Variants in ELMO1 observed in about 807,000 individuals in gnomAD.
The protein encoded by ELMO1 is engulfment and cell motility protein 1.
In ELMO1, 26 loss-of-function variants were observed where a neutral mutation model predicts 98.9. That is an observed-to-expected ratio of 0.26 (90% confidence interval 0.19 to 0.36). The LOEUF (loss-of-function observed/expected upper bound fraction) is 0.36. Among genes scored for constraint, ELMO1 ranks in the 10% least tolerant of loss-of-function variants. The pLI, the probability that ELMO1 is intolerant of heterozygous loss-of-function variation, is 1.00. For missense variants in ELMO1, 627 were observed against 935.2 expected, an observed-to-expected ratio of 0.67 and a Z score of 4.30; for synonymous variants, 346 against 346.0, an observed-to-expected ratio of 1.00 and a Z score of 0.00.
intron 1 of ELMO1, among the ~76,000 whole-genome samples, chr7:37,378,424 T>C (rs1163061624): frequency 6.6e-6 from 1 of 152,210 alleles, no homozygotes; most frequent in East Asian, 1.9e-4. Flanking sequence ...ATTAACTCAC[T>C]GTCCACCTAA....
chr7:37,075,582 C>A (rs577130817), intron 15 of ELMO1, among the ~76,000 whole-genome samples: 2 of 152,218 alleles, frequency 1.3e-5, no homozygotes, highest in African/African-American at 4.8e-5. Context: ...AGGTTCTATT[C>A]GGCAGCTAAA....
intron 16 of ELMO1, among the ~76,000 whole-genome samples, chr7:36,990,064 G>A (rs1011299121): frequency 3.9e-5 from 6 of 152,054 alleles, no homozygotes; most frequent in African/African-American, 1.2e-4. Context: ...TGACTTGATC[G>A]ATATTTTCAG....
At chr7:37,049,039 G>A (rs746350902) in intron 15 of ELMO1, among the ~76,000 whole-genome samples, 2 of 152,134 alleles carry the variant, frequency 1.3e-5, no homozygotes, top group Admixed American at 6.5e-5. Context: ...TCATAACTTG[G>A]TAGAATTTAT....
chr7:37,347,192 A>C (rs914653314), intron 1 of ELMO1, among the ~76,000 whole-genome samples: 3 of 152,226 alleles, frequency 2.0e-5, no homozygotes, highest in Non-Finnish European at 4.4e-5. Context: ...TCTTAAATTT[A>C]TGTTTTCACA....
Position 37,293,709 on chromosome 7 carries a change from G to C in ELMO1, c.192+21141C>G, listed in dbSNP as rs1297672643. Reference sequence around the variant, plus strand: ...CCCTCTGTAAGAAACACCCAAGAATGATCAATAAAAAAAAAAATAATAATA... The same window carrying C: ...CCCTCTGTAAGAAACACCCAAGAATCATCAATAAAAAAAAAAATAATAATA... On this transcript the variant is annotated intron_variant, in intron 4 of 21. Coordinates refer to ENST00000310758, the MANE Select transcript of ELMO1 (RefSeq NM_014800.11). Among the ~76,000 whole-genome samples, 4 of 10,332 alleles carry C rather than the reference G, an allele frequency of 3.9e-4. 1 individual carries two copies. The Non-Finnish European group carries it at 4.8e-3, about 12-fold the overall frequency. The allele number at this position is 10,332 out of a possible 152,430, so 6.8% of individuals were successfully genotyped here. A position where few individuals can be genotyped will look rare whatever the true frequency, so the allele number is the denominator to read the frequency against.
intron 16 of ELMO1, among the ~76,000 whole-genome samples, chr7:36,937,045 T>A (rs1786596254): frequency 6.6e-6 from 1 of 152,158 alleles, no homozygotes; most frequent in African/African-American, 2.4e-5. Context: ...GGAGGCTTTG[T>A]TTTATTTTTG....
intron 16 of ELMO1, among the ~76,000 whole-genome samples, chr7:36,924,373 G>C (rs528620196): frequency 6.6e-6 from 1 of 152,172 alleles, no homozygotes; most frequent in African/African-American, 2.4e-5. Context: ...GCTTCCCAGC[G>C]AGGGCCCTCC....
At chr7:37,286,421 G>A (rs1343577709) in intron 4 of ELMO1, among the ~76,000 whole-genome samples, 1 of 152,354 alleles carries the variant, frequency 6.6e-6, no homozygotes, top group East Asian at 1.9e-4. Flanking sequence ...TAGGTGCTCA[G>A]TGAATACAGG....
intron 20 of ELMO1, chr7:36,862,023 C>A: frequency 2.6e-6 from 1 of 387,266 alleles, no homozygotes; most frequent in Non-Finnish European, 4.8e-6. Flanking sequence ...CAATGAGTGT[C>A]CAAGGTGACA....
Position 36,992,800 on chromosome 7 carries a change from T to C in ELMO1, c.1437+20499A>G, listed in dbSNP as rs372298016. Among the ~76,000 whole-genome samples the C allele has an allele frequency of 5.3e-5, 8 of 152,352 alleles. No homozygotes were observed. In the East Asian group the frequency reaches 1.2e-3, roughly 22 times the overall value. ...TATTCTCATTAGAGGACAAATTTCA[T>C]TGCAGTGTGTAGAGATTAAACCCAC... On this transcript the variant is annotated intron_variant, in intron 16 of 21. Coordinates refer to ENST00000310758, the MANE Select transcript of ELMO1 (RefSeq NM_014800.11).
chr7:37,335,672 A>G (rs1231504379), intron 2 of ELMO1, among the ~76,000 whole-genome samples: 1 of 152,218 alleles, frequency 6.6e-6, no homozygotes, highest in Non-Finnish European at 1.5e-5. Context: ...GGTGCCCGGA[A>G]GCCCTCGGCA....
chr7:36,977,668 A>G (rs1021675414), intron 16 of ELMO1, among the ~76,000 whole-genome samples: 1 of 152,208 alleles, frequency 6.6e-6, no homozygotes, highest in Non-Finnish European at 1.5e-5. Context: ...GGATAGCTAC[A>G]CCTCTTGAAT....
chr7:37,402,371 T>C (rs2131463699), intron 1 of ELMO1, among the ~76,000 whole-genome samples: 1 of 152,304 alleles, frequency 6.6e-6, no homozygotes, highest in African/African-American at 2.4e-5. Flanking sequence ...TTGGGGTCAG[T>C]AAAACATCAG....
rs985783407 is a variant in ELMO1, at chr7:36,854,203, C to T, written c.*1348G>A. Among the ~76,000 whole-genome samples, 14 of 152,242 alleles carry T rather than the reference C, an allele frequency of 9.2e-5. No individual in the cohort carries two copies. Among genetic ancestry groups the T allele is most frequent in the Admixed American group, 8.5e-4 (13 of 15,298 alleles). On this transcript the variant is annotated 3_prime_UTR_variant, in exon 22 of 22. Transcript: ENST00000310758. ...GACCTAGCAATGGTGGAGGGTTTCC[C>T]ACAGCAGTGTTTTTCAAACCAATGT...
chr7:37,276,267 GAAGAGAGAGA>G (rs1240735311), intron 4 of ELMO1, among the ~76,000 whole-genome samples: 3 of 151,842 alleles, frequency 2.0e-5, no homozygotes, highest in African/African-American at 7.3e-5. Context: ...AATGAGATAG[GAAGAGAGAGA>G]AAGAGAGAGA....
intron 16 of ELMO1, among the ~76,000 whole-genome samples, chr7:36,983,202 C>T (rs2129145251): frequency 6.6e-6 from 1 of 152,304 alleles, no homozygotes; most frequent in South Asian, 2.1e-4. Context: ...TAAATTGACC[C>T]AAATCATACC....
chr7:37,446,396 C>G (rs1805618908), intron 1 of ELMO1, among the ~76,000 whole-genome samples: 1 of 152,112 alleles, frequency 6.6e-6, no homozygotes, highest in African/African-American at 2.4e-5. Flanking sequence ...ACATAAGAGG[C>G]CCAGGGAGTG....
chr7:37,377,044 T>C (rs1802379445), intron 1 of ELMO1, among the ~76,000 whole-genome samples: 1 of 152,258 alleles, frequency 6.6e-6, no homozygotes, highest in South Asian at 2.1e-4. Flanking sequence ...ACATTCATTA[T>C]AGCTTAGCCT....
intron 2 of ELMO1, among the ~76,000 whole-genome samples, chr7:37,332,845 G>A (rs1800206739): frequency 6.6e-6 from 1 of 152,202 alleles, no homozygotes; most frequent in East Asian, 1.9e-4. Context: ...GTTAGGCCTA[G>A]GGGAATGGAT....
Sources: gnomAD v4.1 joint callset for allele counts (sites outside exome capture counted in the v4.1 genomes callset) on GRCh38, gnomAD v4.1.1 for gene constraint, MANE v1.5 for transcripts, NCBI Gene and HGNC (gene_info 2026-07-23, HGNC 2026-07-21) for gene names.